Variants in FHL2 observed in about 807,000 individuals in gnomAD.
The protein encoded by FHL2 is four and a half LIM domains protein 2.
FHL2 carries 20 observed loss-of-function variants against 32.7 expected under a neutral mutation model. That is an observed-to-expected ratio of 0.61 (90% CI 0.43 to 0.89). The LOEUF is 0.89. Ranked by LOEUF, FHL2 falls within the 40% of genes least tolerant of loss-of-function variation. The pLI is 0.00. For missense variants in FHL2, 311 were observed against 358.6 expected, an observed-to-expected ratio of 0.87 and a Z score of 1.07; for synonymous variants, 123 against 128.1, an observed-to-expected ratio of 0.96 and a Z score of 0.27.
intron 2 of FHL2, among the ~76,000 whole-genome samples, chr2:105,394,423 A>G (rs1341684320): frequency 6.6e-6 from 1 of 151,784 alleles, no homozygotes; most frequent in Non-Finnish European, 1.5e-5. Context: ...AAAAATTTAT[A>G]TCAGTTGGAT....
chr2:105,424,894 A>G (rs561946899), intron 1 of FHL2, among the ~76,000 whole-genome samples: 48 of 152,296 alleles, frequency 3.2e-4, no homozygotes, highest in African/African-American at 1.1e-3. Context: ...TGGGAGAGGG[A>G]TAGCATTAGG....
chr2:105,430,668 A>G (rs1558735836), intron 1 of FHL2, among the ~76,000 whole-genome samples: 1 of 152,184 alleles, frequency 6.6e-6, no homozygotes, highest in Non-Finnish European at 1.5e-5. Flanking sequence ...AACTCCATCT[A>G]ACAAAACCCT....
At chr2:105,427,008 C>G (rs1416010564) in intron 1 of FHL2, among the ~76,000 whole-genome samples, 2 of 152,176 alleles carry the variant, frequency 1.3e-5, no homozygotes, top group Non-Finnish European at 2.9e-5. Flanking sequence ...AAGGATCAAA[C>G]TAAGCCATCT....
At chr2:105,429,966 C>T (rs1684378994) in intron 1 of FHL2, among the ~76,000 whole-genome samples, 1 of 152,176 alleles carries the variant, frequency 6.6e-6, no homozygotes, top group Non-Finnish European at 1.5e-5. Context: ...TGTTATTATT[C>T]CCATTTTACA....
At chr2:105,378,009 TGAGA>T in intron 3 of FHL2, 1 of 463,840 alleles carries the variant, frequency 2.2e-6, no homozygotes, top group Non-Finnish European at 4.5e-6. Context: ...CAAGAAAAAC[TGAGA>T]GAGAAATCTC....
At chr2:105,394,468 G>C (rs1682978523) in intron 2 of FHL2, among the ~76,000 whole-genome samples, 1 of 151,950 alleles carries the variant, frequency 6.6e-6, no homozygotes, top group Non-Finnish European at 1.5e-5. Context: ...AGCTACCTGG[G>C]AGACTGAGGC....
intron 1 of FHL2, among the ~76,000 whole-genome samples, chr2:105,420,517 T>C (rs533186674): frequency 2.6e-5 from 4 of 152,228 alleles, no homozygotes; most frequent in African/African-American, 7.2e-5. Flanking sequence ...ACTCAACCCA[T>C]AACACCTTCA....
chr2:105,396,249 G>T (rs1683121749), intron 2 of FHL2, among the ~76,000 whole-genome samples: 1 of 152,180 alleles, frequency 6.6e-6, no homozygotes, highest in Non-Finnish European at 1.5e-5. Flanking sequence ...GGAGACCCAG[G>T]AGAGCCGATG....
chr2:105,378,383 G>A (rs570574054), intron 3 of FHL2: 20 of 349,312 alleles, frequency 5.7e-5, no homozygotes, highest in African/African-American at 1.7e-4. Context: ...ATCCCACCTC[G>A]CAAGGTGAAG....
chr2:105,381,500 G>A (rs1053532704), intron 3 of FHL2, among the ~76,000 whole-genome samples: 2 of 152,176 alleles, frequency 1.3e-5, no homozygotes, highest in African/African-American at 4.8e-5. Context: ...GTCCAGCCTC[G>A]GTGCATGCGA....
At chr2:105,407,857 A>T (rs1683684448) in intron 1 of FHL2, among the ~76,000 whole-genome samples, 1 of 152,152 alleles carries the variant, frequency 6.6e-6, no homozygotes, top group Non-Finnish European at 1.5e-5. Context: ...TCATTGAGGG[A>T]CTTCCTTGAA....
chr2:105,433,520 T>C (rs1684501154), intron 1 of FHL2, among the ~76,000 whole-genome samples: 1 of 152,172 alleles, frequency 6.6e-6, no homozygotes, highest in South Asian at 2.1e-4. Flanking sequence ...TTGTGGAGAC[T>C]TTTCCAAGTT....
At chr2:105,422,829 A>G (rs1004466524) in intron 1 of FHL2, among the ~76,000 whole-genome samples, 2 of 152,188 alleles carry the variant, frequency 1.3e-5, no homozygotes, top group Admixed American at 1.3e-4. Context: ...GCATTGTACA[A>G]GATACCAAAA....
At chr2:105,386,101 C>T (rs1682288376) in intron 3 of FHL2, 2 of 454,206 alleles carry the variant, frequency 4.4e-6, no homozygotes, top group Non-Finnish European at 7.7e-6. Context: ...GATAAGGGCA[C>T]TAATTGCTAG....
At chr2:105,369,779 A>T (rs1680892146) in intron 4 of FHL2, among the ~76,000 whole-genome samples, 1 of 152,206 alleles carries the variant, frequency 6.6e-6, no homozygotes, top group Admixed American at 6.5e-5. Context: ...GCCAATGAAT[A>T]TGGGGCAATT....
At chr2:105,399,310 C>G, upstream of FHL2, 1 of 1,535,796 alleles carries the variant, frequency 6.5e-7, no homozygotes, top group South Asian at 1.2e-5. Flanking sequence ...CGTGGGCTCT[C>G]GGGCGCGAGT....
intron 3 of FHL2, among the ~76,000 whole-genome samples, chr2:105,385,553 A>C (rs1352146601): frequency 6.6e-6 from 1 of 152,246 alleles, no homozygotes; most frequent in African/African-American, 2.4e-5. Flanking sequence ...ATGCCAAAGG[A>C]ATCCCATTTT....
chr2:105,432,190 T>C (rs1684455934), intron 1 of FHL2, among the ~76,000 whole-genome samples: 1 of 152,226 alleles, frequency 6.6e-6, no homozygotes, highest in Non-Finnish European at 1.5e-5. Context: ...ACTTGGATGA[T>C]CGCCCATGCT....
At chr2:105,381,105 C>T (rs1239451025) in intron 3 of FHL2, among the ~76,000 whole-genome samples, 1 of 152,122 alleles carries the variant, frequency 6.6e-6, no homozygotes, top group African/African-American at 2.4e-5. Flanking sequence ...GGCTCTCATC[C>T]TCCCTCCTTC....
Sources: gnomAD v4.1 joint callset for allele counts (sites outside exome capture counted in the v4.1 genomes callset) on GRCh38, gnomAD v4.1.1 for gene constraint, MANE v1.5 for transcripts, NCBI Gene and HGNC (gene_info 2026-07-23, HGNC 2026-07-21) for gene names.